Variants in TNIK observed in about 807,000 individuals in gnomAD.
The protein encoded by TNIK is TRAF2 and NCK-interacting protein kinase.
TNIK carries 49 observed loss-of-function variants against 191.3 expected under a neutral mutation model. The ratio of observed to expected loss-of-function variants is 0.26; its 90% confidence interval spans 0.20 to 0.32. TNIK has a LOEUF of 0.32. Ranked by LOEUF, TNIK falls within the 10% of genes least tolerant of loss-of-function variation. TNIK has a pLI of 1.00. For missense variants in TNIK, 1,155 were observed against 1,702.3 expected (o/e 0.68, Z 5.66); for synonymous variants, 594 against 600.9 (o/e 0.99, Z 0.17).
At chr3:171,194,120 T>G (rs1448915086) in intron 5 of TNIK, among the ~76,000 whole-genome samples, 2 of 152,220 alleles carry the variant, frequency 1.3e-5, no homozygotes, top group African/African-American at 2.4e-5. Context: ...GGATAATATA[T>G]TAATTGTGAA....
intron 3 of TNIK, chr3:171,225,712 G>C (rs916950510): frequency 1.8e-5 from 8 of 438,346 alleles, no homozygotes; most frequent in African/African-American, 1.6e-4. Context: ...TCTAGCAATA[G>C]TGGTTCTTGA....
chr3:171,185,653 A>G (rs1737271738), intron 7 of TNIK, among the ~76,000 whole-genome samples: 1 of 152,220 alleles, frequency 6.6e-6, no homozygotes, highest in African/African-American at 2.4e-5. Context: ...TACTGTGCCC[A>G]GTAGATATCA....
chr3:171,402,671 C>A (rs980837804), intron 1 of TNIK, among the ~76,000 whole-genome samples: 2 of 152,212 alleles, frequency 1.3e-5, no homozygotes, highest in Non-Finnish European at 2.9e-5. Flanking sequence ...AAAAAAACAT[C>A]CTTAACTTCT....
At chr3:171,188,964 T>C in intron 6 of TNIK, 132 bp from the exon 7 acceptor site, 2 of 1,157,196 alleles carry the variant, frequency 1.7e-6, no homozygotes, top group Middle Eastern at 5.3e-4. Flanking sequence ...TTTTCAAATG[T>C]ACATTTCTGG....
chr3:171,176,773 GCA>G (rs1736009036), intron 8 of TNIK, among the ~76,000 whole-genome samples: 1 of 152,196 alleles, frequency 6.6e-6, no homozygotes, highest in Admixed American at 6.5e-5. Context: ...AGTCTGTGAG[GCA>G]CAGTCTCATG....
At chr3:171,151,978 C>A (rs1160194835) in intron 12 of TNIK, among the ~76,000 whole-genome samples, 3 of 152,126 alleles carry the variant, frequency 2.0e-5, no homozygotes, top group Non-Finnish European at 4.4e-5. Context: ...GCTTGGTTAC[C>A]CTAAGAGAAG....
At chr3:171,164,513 G>T (rs1734375990) in intron 10 of TNIK, among the ~76,000 whole-genome samples, 1 of 152,210 alleles carries the variant, frequency 6.6e-6, no homozygotes, top group African/African-American at 2.4e-5. Flanking sequence ...GTAGATATTA[G>T]TAGTATACTC....
intron 14 of TNIK, 60 bp from the exon 15 acceptor site, chr3:171,138,439 G>A: frequency 1.4e-6 from 2 of 1,426,096 alleles, no homozygotes; most frequent in South Asian, 1.6e-5. Flanking sequence ...GAAATCATCG[G>A]CCAGTACCAG....
At chr3:171,221,918 A>G (rs532582149) in intron 3 of TNIK, among the ~76,000 whole-genome samples, 4 of 152,298 alleles carry the variant, frequency 2.6e-5, no homozygotes, top group African/African-American at 9.6e-5. Flanking sequence ...CAGGATTTTA[A>G]TGCACACTAA....
intron 2 of TNIK, among the ~76,000 whole-genome samples, chr3:171,356,955 A>G (rs531964330): frequency 6.6e-6 from 1 of 152,220 alleles, no homozygotes; most frequent in Non-Finnish European, 1.5e-5. Flanking sequence ...GATGGAAAAC[A>G]ACCTCCAAAA....
intron 22 of TNIK, among the ~76,000 whole-genome samples, chr3:171,098,471 G>C (rs1265214520): frequency 6.6e-6 from 1 of 152,096 alleles, no homozygotes; most frequent in Non-Finnish European, 1.5e-5. Context: ...ACTGCAACTG[G>C]TTAGTTGGGG....
chr3:171,413,276 G>C (rs1431900571), intron 1 of TNIK, among the ~76,000 whole-genome samples: 1 of 152,124 alleles, frequency 6.6e-6, no homozygotes, highest in Non-Finnish European at 1.5e-5. Flanking sequence ...GCTGGTTTCA[G>C]AGCCATCTGA....
intron 12 of TNIK, among the ~76,000 whole-genome samples, chr3:171,152,806 C>G (rs944859327): frequency 1.3e-5 from 2 of 149,074 alleles, no homozygotes; most frequent in Non-Finnish European, 3.0e-5. Context: ...GAGTCTTGCT[C>G]TGTTGCCCAG....
chr3:171,383,933 G>A (rs1313252543), intron 1 of TNIK, among the ~76,000 whole-genome samples: 1 of 152,152 alleles, frequency 6.6e-6, no homozygotes, highest in African/African-American at 2.4e-5. Context: ...GGTCTACTCT[G>A]CTCTCCCATC....
chr3:171,448,111 A>G (rs1336522265), intron 1 of TNIK, among the ~76,000 whole-genome samples: 2 of 152,130 alleles, frequency 1.3e-5, no homozygotes, highest in Non-Finnish European at 2.9e-5. Context: ...ATTATGGGGG[A>G]TAATTGTTCA....
intron 15 of TNIK, 42 bp from the exon 16 acceptor site, chr3:171,128,920 G>A: frequency 6.9e-7 from 1 of 1,458,302 alleles, no homozygotes; most frequent in Non-Finnish European, 9.1e-7. Context: ...CAGCCTCAAT[G>A]TATAGAAGTA....
At chr3:171,220,635 A>AC (rs1170962987) in intron 3 of TNIK, among the ~76,000 whole-genome samples, 1 of 152,120 alleles carries the variant, frequency 6.6e-6, no homozygotes, top group Admixed American at 6.6e-5. Flanking sequence ...CATGCTTTGA[A>AC]CAGCCCCGTC....
intron 4 of TNIK, among the ~76,000 whole-genome samples, chr3:171,195,285 A>G (rs1340324435): frequency 6.6e-6 from 1 of 152,150 alleles, no homozygotes; most frequent in Non-Finnish European, 1.5e-5. Context: ...CCCTTACTCA[A>G]TGGGGATGTA....
At chr3:171,104,896 A>C (rs1219727036) in intron 21 of TNIK, among the ~76,000 whole-genome samples, 3 of 150,310 alleles carry the variant, frequency 2.0e-5, no homozygotes, top group African/African-American at 7.6e-5. Flanking sequence ...CTAATAAAAA[A>C]CAGCGGTAAA....
Sources: gnomAD v4.1 joint callset for allele counts (sites outside exome capture counted in the v4.1 genomes callset) on GRCh38, gnomAD v4.1.1 for gene constraint, MANE v1.5 for transcripts, NCBI Gene and HGNC (gene_info 2026-07-23, HGNC 2026-07-21) for gene names.